The following HNRNPF variants were observed in gnomAD, a reference collection of about 807,000 sequenced individuals.
HNRNPF encodes HnRNP F protein.
In HNRNPF, 2 loss-of-function variants were observed where a neutral mutation model predicts 26.0. The observed-to-expected ratio is 0.08, with a 90% CI of 0.03 to 0.24. The LOEUF (loss-of-function observed/expected upper bound fraction) is 0.24, where lower values mean the gene tolerates loss of function less well. Ranked by LOEUF, HNRNPF falls within the 10% of genes least tolerant of loss-of-function variation. The pLI, the probability that HNRNPF is intolerant of heterozygous loss-of-function variation, is 1.00. For missense variants in HNRNPF, 299 were observed against 539.2 expected (o/e 0.55, Z 4.41); for synonymous variants, 234 against 211.5 (o/e 1.11, Z -0.92).
chr10:43,396,897 AGGGGAGGGGAG>A (rs1838554051), intron 1 of HNRNPF: 1 of 1,358 alleles, frequency 7.4e-4, no homozygotes, highest in African/African-American at 0.013. Flanking sequence ...CGGGAGGGGG[AGGGGAGGGGAG>A]GGGAGGGGAG....
In HNRNPF at chr10:43,387,188, G is replaced by A. The variant is rs1443270361; in HGVS notation, c.697C>T (p.Pro233Ser). Residue 233 changes from proline (P) to serine (S), a missense_variant, in exon 4 of 4, where the codon CCT (proline) becomes TCT (serine). Transcript: ENST00000682386. The surrounding 1 kb of genome is among the most constrained non-coding windows in gnomAD (Gnocchi z 6.0). ...VKQAGLERMR[P>S]GAYSTGYGGY... is the part of the protein sequence containing the mutation. Reference sequence around the variant, plus strand: ...CCGTAGCCTGTGCTGTAGGCACCAGGCCTCATCCTTTCCAGGCCTGCCTGC... The same window carrying A: ...CCGTAGCCTGTGCTGTAGGCACCAGACCTCATCCTTTCCAGGCCTGCCTGC... 6.2e-7 allele frequency: 1 copy of A among 1,614,176 alleles called. No homozygotes were observed.
intron 1 of HNRNPF, among the ~76,000 whole-genome samples, chr10:43,397,646 T>A (rs1838600035): frequency 6.6e-6 from 1 of 152,152 alleles, no homozygotes; most frequent in African/African-American, 2.4e-5. Context: ...TGAAAAAAAA[T>A]CTTTGAAAAA....
intron 1 of HNRNPF, among the ~76,000 whole-genome samples, chr10:43,402,292 T>C (rs771702271): frequency 1.4e-4 from 21 of 152,216 alleles, no homozygotes; most frequent in Admixed American, 6.5e-4. Flanking sequence ...CTCTATACTT[T>C]AGGAGTTTTA....
intron 3 of HNRNPF, among the ~76,000 whole-genome samples, chr10:43,391,178 A>C (rs1287539311): frequency 6.6e-6 from 1 of 152,048 alleles, no homozygotes; most frequent in Non-Finnish European, 1.5e-5. Flanking sequence ...CTGTAGTCCC[A>C]GCTACTTGGG....
chr10:43,404,344 G>A (rs534285538), intron 1 of HNRNPF, among the ~76,000 whole-genome samples: 1 of 150,132 alleles, frequency 6.7e-6, no homozygotes, highest in Admixed American at 6.6e-5. Flanking sequence ...GTACATCTTA[G>A]AGCGATCACA....
Position 43,387,636 on chromosome 10 carries a change from A to T in HNRNPF, c.249T>A (p.Ile83=). ...KDRESMGHRY[I]EVFKSHRTEM... is the part of the protein sequence containing the mutation. ...CGGTTCTGTGGGACTTGAACACCTC[A>T]ATGTACCGGTGTCCCATGCTTTCCC... The change falls in exon 4 of 4, where the codon ATT becomes ATA. Residue 83 remains isoleucine, a synonymous_variant. Coordinates refer to ENST00000682386, the MANE Select transcript of HNRNPF (RefSeq NM_001098204.2). This position sits in a 1 kb window ranked among gnomAD's most constrained non-coding sequence, Gnocchi z 6.0. 6.2e-7 allele frequency: 1 copy of T among 1,614,108 alleles called. No individual in the cohort carries two copies. The highest frequency in any genetic ancestry group is 8.5e-7 in the Non-Finnish European group (1 of 1,180,012).
chr10:43,407,290 G>A (rs940544809), intron 1 of HNRNPF, among the ~76,000 whole-genome samples: 1 of 151,632 alleles, frequency 6.6e-6, no homozygotes, highest in Non-Finnish European at 1.5e-5. Flanking sequence ...GTCCCGCCAC[G>A]CAGATGGCCG....
At chr10:43,407,360 C>T (rs557761887) in intron 1 of HNRNPF, among the ~76,000 whole-genome samples, 1 of 152,228 alleles carries the variant, frequency 6.6e-6, no homozygotes, top group Admixed American at 6.5e-5. Flanking sequence ...TCAGCTCGTC[C>T]CCGGGCCGCC....
chr10:43,387,174 G>A lies in HNRNPF; in HGVS notation c.711C>T (p.Ser237=), dbSNP rs1212958835. The change falls in exon 4 of 4, where the codon AGC becomes AGT. Residue 237 remains serine (S), a synonymous_variant. Coordinates refer to ENST00000682386, the MANE Select transcript of HNRNPF (RefSeq NM_001098204.2). The surrounding 1 kb of genome is among the most constrained non-coding windows in gnomAD (Gnocchi z 6.0). ...GLERMRPGAY[S]TGYGGYEEYS... ...ACTCCTCGTAGCCCCCGTAGCCTGT[G>A]CTGTAGGCACCAGGCCTCATCCTTT... 1.9e-6 allele frequency: 3 copies of A among 1,614,056 alleles called. No homozygotes were observed. Among genetic ancestry groups the A allele is most frequent in the East Asian group, 2.2e-5 (1 of 44,896 alleles).
At chr10:43,388,989 T>G (rs991250601) in intron 3 of HNRNPF, among the ~76,000 whole-genome samples, 1 of 116,832 alleles carries the variant, frequency 8.6e-6, no homozygotes, top group Non-Finnish European at 1.7e-5. Context: ...TTTTTTTTTT[T>G]GAGACAAGAG....
chr10:43,396,643 C>CG (rs1159453437), intron 1 of HNRNPF, 53 bp from the exon 2 acceptor site: 2 of 152,180 alleles, frequency 1.3e-5, no homozygotes, highest in Admixed American at 1.3e-4. Flanking sequence ...GTGGGAGGCC[C>CG]GGGCGCGCGG....
chr10:43,394,740 T>C (rs1838397084), intron 2 of HNRNPF, 52 bp from the exon 3 acceptor site: 1 of 152,020 alleles, frequency 6.6e-6, no homozygotes, highest in Non-Finnish European at 1.5e-5. Flanking sequence ...TCCTAGGCAC[T>C]GGCTCTGGGA....
At position 43,386,906 on chromosome 10, in the gene HNRNPF, C is replaced by T; in HGVS notation, c.979G>A (p.Val327Met). The T allele has an allele frequency of 6.2e-7, 1 of 1,614,232 alleles. No homozygotes were observed. The highest frequency in any genetic ancestry group is 8.5e-7 in the Non-Finnish European group (1 of 1,180,044). ...VHIEIGPDGR[V>M]TGEADVEFAT... is the part of the protein sequence containing the mutation. ...AACTCAACATCTGCTTCACCCGTCA[C>T]TCTTCCATCTGGGCCAATCTCAATA... The change falls in exon 4 of 4, where the codon GTG becomes ATG. Residue 327 changes from valine (V) to methionine (M), a missense_variant. By Grantham distance (21) the Val-to-Met change is conservative. This residue lies in a region of HNRNPF where 36 missense variants were observed against 93.8 expected (regional missense o/e 0.38). Transcript: ENST00000682386.
chr10:43,397,218 G>A (rs1290204860), intron 1 of HNRNPF: 1 of 152,268 alleles, frequency 6.6e-6, no homozygotes. Context: ...CCCCGAGGAG[G>A]CGCGGGGTCC....
chr10:43,392,349 G>A (rs1838285366), intron 3 of HNRNPF, among the ~76,000 whole-genome samples: 1 of 152,060 alleles, frequency 6.6e-6, no homozygotes, highest in Admixed American at 6.5e-5. Flanking sequence ...GACCATCCTG[G>A]CTAACATGGT....
At chr10:43,390,428 T>C (rs2131964706) in intron 3 of HNRNPF, among the ~76,000 whole-genome samples, 1 of 152,218 alleles carries the variant, frequency 6.6e-6, no homozygotes. Context: ...GATGAAGCCA[T>C]AATCCACTAA....
At chr10:43,390,180 T>C (rs1319422224) in intron 3 of HNRNPF, among the ~76,000 whole-genome samples, 1 of 152,198 alleles carries the variant, frequency 6.6e-6, no homozygotes, top group Non-Finnish European at 1.5e-5. Flanking sequence ...AAGCTCCTCC[T>C]TGGAGAGTCA....
intron 1 of HNRNPF, among the ~76,000 whole-genome samples, chr10:43,408,441 C>T (rs1839000390): frequency 6.6e-6 from 1 of 152,182 alleles, no homozygotes; most frequent in East Asian, 1.9e-4. Context: ...TCCCGTCACC[C>T]AAATCTCAGC....
intron 1 of HNRNPF, among the ~76,000 whole-genome samples, chr10:43,405,928 T>C (rs963058193): frequency 6.6e-6 from 1 of 152,044 alleles, no homozygotes; most frequent in African/African-American, 2.4e-5. Flanking sequence ...GCAAGGGCCC[T>C]GGCAGGGGAG....
Sources: gnomAD v4.1 joint callset for allele counts (sites outside exome capture counted in the v4.1 genomes callset) on GRCh38, gnomAD v4.1.1 for gene constraint, gnomAD v4.1.1 regional missense constraint, Gnocchi (gnomAD v3.1) non-coding constraint, MANE v1.5 for transcripts, NCBI Gene and HGNC (gene_info 2026-07-23, HGNC 2026-07-21) for gene names.